The following MBP variants were observed in gnomAD, a reference collection of about 807,000 sequenced individuals.
MBP encodes Golli-MBP.
A neutral mutation model predicts 35.8 loss-of-function variants in MBP; 16 were observed. The ratio of observed to expected loss-of-function variants is 0.45; its 90% CI spans 0.30 to 0.68. The LOEUF is 0.68. Among genes scored for constraint, MBP ranks in the 30% least tolerant of loss-of-function variants. MBP has a pLI of 0.08. For missense variants in MBP, 380 were observed against 404.7 expected (o/e 0.94, Z 0.52); for synonymous variants, 143 against 159.6 (o/e 0.90, Z 0.78).
At chr18:77,011,402 T>G (rs562108198) in intron 4 of MBP, among the ~76,000 whole-genome samples, 1 of 152,324 alleles carries the variant, frequency 6.6e-6, no homozygotes, top group Admixed American at 6.5e-5. Flanking sequence ...TAATTTTCCC[T>G]CCATCTCCTA....
chr18:77,081,461 CG>C (rs1208531599), intron 2 of MBP, among the ~76,000 whole-genome samples: 1 of 152,024 alleles, frequency 6.6e-6, no homozygotes, highest in African/African-American at 2.4e-5. Context: ...AAATGCTCAA[CG>C]TTATTACGCA....
intron 1 of MBP, among the ~76,000 whole-genome samples, chr18:77,128,460 T>C (rs1977129279): frequency 6.6e-6 from 1 of 152,026 alleles, no homozygotes; most frequent in African/African-American, 2.4e-5. Flanking sequence ...CTCTGATGTG[T>C]TGGTGGTCAC....
intron 2 of MBP, among the ~76,000 whole-genome samples, chr18:77,073,224 A>G (rs1008656393): frequency 6.6e-6 from 1 of 152,152 alleles, no homozygotes; most frequent in Non-Finnish European, 1.5e-5. Flanking sequence ...TTTTATATGT[A>G]TATATATAAA....
Position 77,031,298 on chromosome 18 carries a change from G to C in MBP, c.140-14030C>G, listed in dbSNP as rs1281218737. On this transcript the variant is annotated intron_variant, in intron 3 of 8. Transcript: ENST00000355994. ...ACCTAAAGCAGTTTGGCAGATGCCA[G>C]ACAGACCCCCGAGGCTGTGAGCATG... 2.0e-5 allele frequency among the ~76,000 whole-genome samples: 3 copies of C among 152,228 alleles called. No individual in the cohort carries two copies. In the East Asian group the frequency reaches 5.8e-4, roughly 29 times the overall value.
rs1367673695 is a variant in MBP, at chr18:77,018,776, CCATCCACAT to C, written c.140-1517_140-1509del. 8.1e-5 allele frequency among the ~76,000 whole-genome samples: 11 copies of C among 135,760 alleles called. 1 individual carries two copies. Among genetic ancestry groups the C allele is most frequent in the African/African-American group, 3.8e-4 (11 of 29,130 alleles). The allele number at this position is 135,760 out of a possible 152,430, so 89.1% of individuals were successfully genotyped here. On this transcript the variant is annotated intron_variant, in intron 3 of 8. Coordinates refer to ENST00000355994, the MANE Select transcript of MBP (RefSeq NM_001025101.2). ...TCCATCCATCCATCCATCCATCCAT[CCATCCACAT>C]ATCAGTCCATTTACCCATTTATCCA...
In MBP at chr18:77,020,127, A is replaced by G. The variant is rs1269779788; in HGVS notation, c.140-2859T>C. 6.6e-6 allele frequency among the ~76,000 whole-genome samples: 1 copy of G among 152,044 alleles called. No homozygotes were observed. The highest frequency in any genetic ancestry group is 1.9e-4 in the East Asian group (1 of 5,176). On this transcript the variant is annotated intron_variant, in intron 3 of 8. Transcript: ENST00000355994. This position sits in a 1 kb window ranked among gnomAD's most constrained non-coding sequence, Gnocchi z 4.1. ...TAGTGGACGGCCTCTGTGGAGGGATATGATGGAGATGGTGGTACCCAGAGG... is the reference window on the plus strand; with the variant it reads ...TAGTGGACGGCCTCTGTGGAGGGATGTGATGGAGATGGTGGTACCCAGAGG...
chr18:77,117,386 T>C (rs1315011823), intron 1 of MBP, among the ~76,000 whole-genome samples: 1 of 152,204 alleles, frequency 6.6e-6, no homozygotes, highest in Admixed American at 6.5e-5. Flanking sequence ...TTCTACATGA[T>C]ATTTTTGGGC....
At position 77,044,356 on chromosome 18, in the gene MBP, A is replaced by C. The variant is rs111519839; in HGVS notation, c.139+21942T>G. Among the ~76,000 whole-genome samples the C allele has an allele frequency of 1.3e-5, 2 of 150,414 alleles. No homozygotes were observed. The highest frequency in any genetic ancestry group is 2.5e-5 in the African/African-American group (1 of 40,810). ...TTCAGGTCCACCGTGACCTCCCCCA[A>C]CTCTGCTGCAGCTGCCGTGGTGCCA... On this transcript the variant is annotated intron_variant, in intron 3 of 8. Coordinates refer to ENST00000355994, the MANE Select transcript of MBP (RefSeq NM_001025101.2). This position sits in a 1 kb window ranked among gnomAD's most constrained non-coding sequence, Gnocchi z 4.4.
In MBP at chr18:77,044,655, C is replaced by T. The variant is rs1458604691; in HGVS notation, c.139+21643G>A. ...ATCCCGTGTGGTGCTGAGCCCCTCA[C>T]ACACACGAGGGGCCCCGGAATCACC... On this transcript the variant is annotated intron_variant, in intron 3 of 8. Transcript: ENST00000355994. The surrounding 1 kb of genome is among the most constrained non-coding windows in gnomAD (Gnocchi z 4.4). 6.6e-6 allele frequency among the ~76,000 whole-genome samples: 1 copy of T among 152,198 alleles called. No homozygotes were observed. The highest frequency in any genetic ancestry group is 1.5e-5 in the Non-Finnish European group (1 of 68,028).
intron 2 of MBP, among the ~76,000 whole-genome samples, chr18:77,084,431 C>CACA (rs60600826): frequency 0.21 from 21,746 of 105,546 alleles, 2,802 homozygotes; most frequent in African/African-American, 0.22. Flanking sequence ...CCACACCACA[C>CACA]CACACACACA....
intron 1 of MBP, chr18:77,128,026 A>T (rs1045991718): frequency 6.6e-6 from 1 of 152,128 alleles, no homozygotes; most frequent in African/African-American, 2.4e-5. Context: ...CAGCAATTGC[A>T]CTCCTGGGCA....
In MBP at chr18:76,987,507, C is replaced by A. The variant is rs73495013; in HGVS notation, c.750+988G>T. ...AAGTACCCTGCCCCTTCCTCCCTCT[C>A]TTCCTTCCTCTTCCCCACCTTCTGT... On this transcript the variant is annotated intron_variant, in intron 7 of 8. Coordinates refer to ENST00000355994, the MANE Select transcript of MBP (RefSeq NM_001025101.2). 4.4e-4 allele frequency: 430 copies of A among 985,708 alleles called. No homozygotes were observed. In the African/African-American group the frequency reaches 6.8e-3, roughly 16 times the overall value. 61.1% of individuals were successfully genotyped at this position (985,708 alleles called of 1,614,324 possible).
Position 76,988,495 on chromosome 18 carries a change from C to T in MBP, c.750G>A (p.Trp250Ter), listed in dbSNP as rs200171249. 1 of 1,614,140 alleles carries T rather than the reference C, an allele frequency of 6.2e-7. No individual in the cohort carries two copies. Among genetic ancestry groups the T allele is most frequent in the East Asian group, 2.2e-5 (1 of 44,878 alleles). The change falls in exon 7 of 9, where the codon TGG becomes TGA. Residue 250 changes from tryptophan (W) to a stop codon, truncating the protein, a stop_gained and splice_region_variant. Transcript: ENST00000355994. LOFTEE classifies it high-confidence loss of function. This position sits in a 1 kb window ranked among gnomAD's most constrained non-coding sequence, Gnocchi z 5.2. Reference sequence around the variant, plus strand: ...CGATGGAAGTGCGTTCGTCACCTACCCAGCTAAATCTGCTCAGGGACAGTC... The same window carrying T: ...CGATGGAAGTGCGTTCGTCACCTACTCAGCTAAATCTGCTCAGGGACAGTC... ...GRGLSLSRFS[W>*]GAEGQRPGFG...
intron 3 of MBP, among the ~76,000 whole-genome samples, chr18:77,058,470 A>AGGCACGACCCCAGGCCCG (rs1055762162): frequency 6.6e-5 from 10 of 152,118 alleles, no homozygotes; most frequent in African/African-American, 1.7e-4. Context: ...CCCCAGCCCC[A>AGGCACGACCCCAGGCCCG]GGCACGACCC....
chr18:77,061,260 C>T (rs1317380475), intron 3 of MBP, among the ~76,000 whole-genome samples: 2 of 152,190 alleles, frequency 1.3e-5, no homozygotes, highest in Admixed American at 6.5e-5. Flanking sequence ...ACCTTGAGGT[C>T]GTTGACTACC....
intron 2 of MBP, among the ~76,000 whole-genome samples, chr18:77,067,220 C>T (rs1328882563): frequency 1.3e-5 from 2 of 152,248 alleles, no homozygotes; most frequent in African/African-American, 4.8e-5. Context: ...CCCCCGCCCC[C>T]TTCTGGGAGG....
At chr18:77,104,391 A>AG (rs781109578) in intron 2 of MBP, among the ~76,000 whole-genome samples, 2 of 152,240 alleles carry the variant, frequency 1.3e-5, no homozygotes, top group Non-Finnish European at 2.9e-5. Context: ...CAAAGGAAGG[A>AG]GAACTGGTGA....
chr18:77,105,854 G>A (rs2145138625), intron 1 of MBP, among the ~76,000 whole-genome samples: 1 of 152,216 alleles, frequency 6.6e-6, no homozygotes, highest in East Asian at 1.9e-4. Flanking sequence ...GATAAAGATG[G>A]ATTTAAAAAC....
At chr18:76,985,505 C>T in intron 7 of MBP, 1 of 1,175,982 alleles carries the variant, frequency 8.5e-7, no homozygotes, top group Non-Finnish European at 1.1e-6. Flanking sequence ...GAGACAAAAT[C>T]CTGAGCTCTC....
Sources: gnomAD v4.1 joint callset for allele counts (sites outside exome capture counted in the v4.1 genomes callset) on GRCh38, gnomAD v4.1.1 for gene constraint, Gnocchi (gnomAD v3.1) non-coding constraint, MANE v1.5 for transcripts, NCBI Gene and HGNC (gene_info 2026-07-23, HGNC 2026-07-21) for gene names.